Variants in CLN8 observed in about 807,000 individuals in gnomAD.
CLN8 encodes protein CLN8.
Under a neutral mutation model 15.7 loss-of-function variants are expected in CLN8, and 14 were observed. The observed-to-expected ratio is 0.89, with a 90% CI of 0.59 to 1.39. The LOEUF (loss-of-function observed/expected upper bound fraction) is 1.39. Ranked by LOEUF, CLN8 falls within the 40% of genes most tolerant of loss-of-function variation. CLN8 has a pLI of 0.00. For missense variants in CLN8, 415 were observed against 364.0 expected (o/e 1.14, Z -1.14); for synonymous variants, 188 against 151.0 (o/e 1.25, Z -1.80).
chr8:1,774,196 C>T (rs548896288), intron 2 of CLN8, among the ~76,000 whole-genome samples: 2 of 152,164 alleles, frequency 1.3e-5, no homozygotes, highest in Non-Finnish European at 2.9e-5. Flanking sequence ...AGGACAGACT[C>T]AGCGAGATTT....
rs995581319 is a variant in CLN8 at position 1,757,386 on chromosome 8, A to C, written c.-124+1304A>C. 2.0e-5 allele frequency among the ~76,000 whole-genome samples: 3 copies of C among 152,232 alleles called. No individual in the cohort carries two copies. In the South Asian group the frequency reaches 6.2e-4, roughly 32 times the overall value. ...GGACAGTGTGCTATGGTGGCCCCAC[A>C]GTAGCTATCTTTGTTGCCCTAGAAT... is the stretch of plus-strand genomic sequence containing the variant. On this transcript the variant is annotated intron_variant, in intron 1 of 1. Transcript: ENST00000524258.
chr8:1,785,802 T>C lies in CLN8; in HGVS notation c.*5235T>C. ...GTACTGGTCAGATGCACGGGCTCCC[T>C]AAACCCCTGCTGTGGCTTCGGCAGT... is the stretch of plus-strand genomic sequence containing the variant. On this transcript the variant is annotated 3_prime_UTR_variant, in exon 3 of 3. Coordinates refer to ENST00000331222, the MANE Select transcript of CLN8 (RefSeq NM_018941.4). 5.8e-6 allele frequency: 1 copy of C among 171,176 alleles called. No individual in the cohort carries two copies. Among genetic ancestry groups the C allele is most frequent in the Admixed American group, 5.7e-5 (1 of 17,500 alleles). 10.6% of individuals were successfully genotyped at this position (171,176 alleles called of 1,614,324 possible). A position where few individuals can be genotyped will look rare whatever the true frequency, so the allele number is the denominator to read the frequency against.
intron 2 of CLN8, among the ~76,000 whole-genome samples, chr8:1,774,289 C>G (rs1005923809): frequency 2.0e-5 from 3 of 152,210 alleles, no homozygotes; most frequent in Admixed American, 2.0e-4. Flanking sequence ...GTATTTACTT[C>G]TAACCCTGCT....
At position 1,785,806 on chromosome 8, in the gene CLN8, C is replaced by T. The variant is rs1303701385; in HGVS notation, c.*5239C>T. On this transcript the variant is annotated 3_prime_UTR_variant, in exon 3 of 3. Coordinates refer to ENST00000331222, the MANE Select transcript of CLN8 (RefSeq NM_018941.4). The stretch of plus-strand genomic sequence containing the variant: ...TGGTCAGATGCACGGGCTCCCTAAA[C>T]CCCTGCTGTGGCTTCGGCAGTAAAG... The T allele has an allele frequency of 1.8e-5, 3 of 169,084 alleles. No individual in the cohort carries two copies. Among genetic ancestry groups the T allele is most frequent in the Admixed American group, 5.8e-5 (1 of 17,346 alleles). The allele number at this position is 169,084 out of a possible 1,614,324, so 10.5% of individuals were successfully genotyped here.
In CLN8 at chr8:1,771,548, T is replaced by A. The variant is rs1348399493; in HGVS notation, c.494T>A (p.Leu165His). 6.2e-7 allele frequency: 1 copy of A among 1,614,020 alleles called. No individual in the cohort carries two copies. Among genetic ancestry groups the A allele is most frequent in the African/African-American group, 1.3e-5 (1 of 74,914 alleles). ...CACTATCTAGCTATGACCACGTTGC[T>A]CCTGGAGATGAGCACGCCCTTTACC... Reference protein sequence around the residue: ...AGHYLAMTTLLLEMSTPFTCV... With the variant: ...AGHYLAMTTLHLEMSTPFTCV... Residue 165 changes from leucine to histidine, a missense_variant, in exon 2 of 3, where the codon CTC (leucine) becomes CAC (histidine). Transcript: ENST00000331222.
intron 1 of CLN8, among the ~76,000 whole-genome samples, chr8:1,767,557 G>GTTTTT: frequency 9.3e-6 from 1 of 107,120 alleles, no homozygotes; most frequent in South Asian, 3.4e-4. Flanking sequence ...TGCTCTGTAT[G>GTTTTT]TTTCTTTCTT....
upstream of CLN8, among the ~76,000 whole-genome samples, chr8:1,760,664 G>C (rs1008040690): frequency 5.3e-5 from 8 of 152,124 alleles, no homozygotes; most frequent in Admixed American, 3.9e-4. Context: ...GTTAAGACAG[G>C]CCTCAGCATG....
At chr8:1,772,267 A>G (rs906022712) in intron 2 of CLN8, among the ~76,000 whole-genome samples, 2 of 152,052 alleles carry the variant, frequency 1.3e-5, no homozygotes, top group Admixed American at 1.3e-4. Flanking sequence ...CTGAAGTAAT[A>G]TCTGTGCGTA....
chr8:1,753,171 G>T (rs997540523), upstream of CLN8, among the ~76,000 whole-genome samples: 1 of 152,194 alleles, frequency 6.6e-6, no homozygotes, highest in Non-Finnish European at 1.5e-5. Flanking sequence ...GTGGCAAGGT[G>T]TGCAGCTCCT....
At chr8:1,771,929 A>ATATTTATTTATTTATTTATTTATTTATT (rs142696456) in intron 2 of CLN8, among the ~76,000 whole-genome samples, 8 of 148,168 alleles carry the variant, frequency 5.4e-5, no homozygotes, top group African/African-American at 1.5e-4. Context: ...TTTTAATACT[A>ATATTTATTTATTTATTTATTTATTTATT]TATTTATTTA....
Position 1,771,197 on chromosome 8 carries a change from C to G in CLN8, c.143C>G (p.Ser48Cys). The change falls in exon 2 of 3, where the codon TCC becomes TGC. Residue 48 changes from serine (S) to cysteine (C), a missense_variant. Physicochemically the swap from Ser to Cys is moderately radical, Grantham distance 112. Coordinates refer to ENST00000331222, the MANE Select transcript of CLN8 (RefSeq NM_018941.4). ...GTGGTCTGCCACCAGCTGTCCTCTT[C>G]CCTGAATGCCACTTACCGTTCTTTG... ...VFVVCHQLSSSLNATYRSLVA... is the reference protein window; with the variant it reads ...VFVVCHQLSSCLNATYRSLVA... The G allele has an allele frequency of 1.9e-6, 3 of 1,614,058 alleles. No individual in the cohort carries two copies.
In CLN8 at chr8:1,772,668, C is replaced by T. The variant is rs539164868; in HGVS notation, c.543+1071C>T. ...TGTGTGTGTGTATTTTTAGTAGAGA[C>T]GGAGTTTCACTGTGTTGGCCAGGCT... On this transcript the variant is annotated intron_variant, in intron 2 of 2. Transcript: ENST00000331222. Among the ~76,000 whole-genome samples, 20 of 151,746 alleles carry T rather than the reference C, an allele frequency of 1.3e-4. No individual in the cohort carries two copies. In the South Asian group the frequency reaches 2.3e-3, roughly 17 times the overall value.
chr8:1,760,127 T>C (rs945847753), upstream of CLN8: 22 of 152,230 alleles, frequency 1.4e-4, no homozygotes, highest in African/African-American at 2.9e-4. Context: ...AATTCAGCTT[T>C]GTCATTTAGC....
chr8:1,780,692 T>G lies in CLN8; in HGVS notation c.*125T>G. 1 of 837,408 alleles carries G rather than the reference T, an allele frequency of 1.2e-6. No individual in the cohort carries two copies. The highest frequency in any genetic ancestry group is 1.7e-5 in the South Asian group (1 of 59,884). The allele number at this position is 837,408 out of a possible 1,614,324, so 51.9% of individuals were successfully genotyped here. On this transcript the variant is annotated 3_prime_UTR_variant, in exon 3 of 3. Coordinates refer to ENST00000331222, the MANE Select transcript of CLN8 (RefSeq NM_018941.4). ...TTGTGTTTACTTCTAAGGGAAATAC[T>G]AACTTTCTTTCGCATTAGTATTAAT... is the stretch of plus-strand genomic sequence containing the variant.
chr8:1,762,865 G>T (rs1297886663), upstream of CLN8: 1 of 152,162 alleles, frequency 6.6e-6, no homozygotes, highest in Non-Finnish European at 1.5e-5. Flanking sequence ...GCATGCTATC[G>T]GTTCTTTCAA....
chr8:1,762,670 G>A (rs1377526809), upstream of CLN8: 1 of 152,222 alleles, frequency 6.6e-6, no homozygotes, highest in Non-Finnish European at 1.5e-5. Flanking sequence ...AAGAGCGTTG[G>A]TAATTTAAAC....
At chr8:1,772,986 G>T (rs1801374175) in intron 2 of CLN8, 2 of 398,598 alleles carry the variant, frequency 5.0e-6, no homozygotes, top group Non-Finnish European at 4.4e-6. Context: ...CGGGGTCGAG[G>T]TGGGTAGATG....
chr8:1,767,625 G>T (rs1415641859), intron 1 of CLN8, among the ~76,000 whole-genome samples: 1 of 137,614 alleles, frequency 7.3e-6, no homozygotes, highest in East Asian at 2.2e-4. Flanking sequence ...AGGCTGGAGT[G>T]CAGTGGCGCA....
chr8:1,755,324 C>T (rs2130942425), upstream of CLN8, among the ~76,000 whole-genome samples: 1 of 152,248 alleles, frequency 6.6e-6, no homozygotes, highest in Middle Eastern at 3.4e-3. Context: ...TTACAAAGTC[C>T]TCCATGGAGT....
Sources: allele counts gnomAD v4.1 joint callset (sites outside exome capture counted in the v4.1 genomes callset), GRCh38; gene constraint gnomAD v4.1.1; transcripts MANE v1.5; gene names NCBI Gene and HGNC (gene_info 2026-07-23, HGNC 2026-07-21).